SEC24C: variants seen among roughly 807,000 people sequenced by gnomAD.
SEC24C encodes the protein protein transport protein Sec24C.
A neutral mutation model predicts 117.0 loss-of-function variants in SEC24C; 22 were observed. The ratio of observed to expected loss-of-function variants is 0.19; its 90% CI spans 0.13 to 0.27. The LOEUF is 0.27. Among genes scored for constraint, SEC24C ranks in the 10% least tolerant of loss-of-function variants. The pLI is 1.00. For synonymous variants in SEC24C, 506 were observed against 529.4 expected, an observed-to-expected ratio of 0.96 and a Z score of 0.61; for missense variants, 1,155 against 1,375.1, an observed-to-expected ratio of 0.84 and a Z score of 2.53.
At chr10:73,751,278 A>G (rs749754856) in intron 3 of SEC24C, 35 bp downstream of exon 3, 2 of 1,594,852 alleles carry the variant, frequency 1.3e-6, no homozygotes, top group Non-Finnish European at 1.7e-6. Context: ...TGGTCTGATG[A>G]GGCTGAGTGC....
In SEC24C at chr10:73,765,762, C is replaced by T. The variant is rs146878586; in HGVS notation, c.1367-38C>T. 1,430 of 1,591,598 alleles carry T rather than the reference C, an allele frequency of 9.0e-4. 17 individuals are homozygous for T. The African/African-American group carries it at 0.017, about 19-fold the overall frequency. On this transcript the variant is annotated intron_variant, in intron 9 of 22. Transcript: ENST00000345254. Reference sequence around the variant, plus strand: ...TAGGGCCAGAATACTAAGATTGAAACTGGATCTTCGAGTAACACACTGCCA... The same window carrying T: ...TAGGGCCAGAATACTAAGATTGAAATTGGATCTTCGAGTAACACACTGCCA...
At chr10:73,759,914 TG>T in intron 4 of SEC24C, 103 bp from the exon 5 acceptor site, 1 of 1,489,856 alleles carries the variant, frequency 6.7e-7, no homozygotes, top group Non-Finnish European at 9.0e-7. Context: ...CCTCAGAAGA[TG>T]GGACAGTCAT....
intron 3 of SEC24C, among the ~76,000 whole-genome samples, chr10:73,758,278 C>T (rs117322576): frequency 0.014 from 2,204 of 152,096 alleles, 22 homozygotes; most frequent in Non-Finnish European, 0.022. Flanking sequence ...AGAGTATAGA[C>T]CTATTCTTTT....
chr10:73,753,906 G>A (rs193071430), intron 3 of SEC24C, among the ~76,000 whole-genome samples: 3 of 152,062 alleles, frequency 2.0e-5, no homozygotes, highest in African/African-American at 4.8e-5. Flanking sequence ...GCCCCAGGAC[G>A]GCTTTGAATG....
chr10:73,763,706 T>A, intron 7 of SEC24C, 105 bp downstream of exon 7: 2 of 681,258 alleles, frequency 2.9e-6, no homozygotes, highest in Non-Finnish European at 4.5e-6. Flanking sequence ...TTTTAGTTTT[T>A]AACCAGAGAC....
rs2082943135 is a variant in SEC24C at position 73,769,665 on chromosome 10, A to T, written c.2614A>T (p.Ile872Phe). The T allele has an allele frequency of 1.2e-6, 2 of 1,614,076 alleles. No homozygotes were observed. Among genetic ancestry groups the T allele is most frequent in the Non-Finnish European group, 1.7e-6 (2 of 1,180,042 alleles). The change falls in exon 19 of 23, where the codon ATC becomes TTC. Residue 872 changes from isoleucine to phenylalanine, a missense_variant. By Grantham distance (21) the Ile-to-Phe change is conservative (BLOSUM62 0). This residue lies in a region of SEC24C where 759 missense variants were observed against 992.3 expected (regional missense o/e 0.76). Transcript: ENST00000345254. This position sits in a 1 kb window ranked among gnomAD's most constrained non-coding sequence, Gnocchi z 4.5. ...SPVKAVRDTLITQCAQILACY... is the reference protein window; with the variant it reads ...SPVKAVRDTLFTQCAQILACY... ...TGTGAAGGCTGTTCGTGACACGCTC[A>T]TCACCCAGTGTGCCCAGATCCTGGC...
chr10:73,758,407 GT>G (rs1437303635), intron 3 of SEC24C, among the ~76,000 whole-genome samples: 1 of 152,166 alleles, frequency 6.6e-6, no homozygotes, highest in African/African-American at 2.4e-5. Context: ...TGTTTAAAGT[GT>G]TTTTGTATAT....
At chr10:73,744,657 G>C (rs1414878543) in intron 1 of SEC24C, among the ~76,000 whole-genome samples, 2 of 152,150 alleles carry the variant, frequency 1.3e-5, no homozygotes, top group African/African-American at 2.4e-5. Flanking sequence ...CCCCGAGCCT[G>C]TTAAAAGGTG....
Position 73,763,517 on chromosome 10 carries a change from A to T in SEC24C, c.1015A>T (p.Asn339Tyr), listed in dbSNP as rs753032093. The T allele has an allele frequency of 6.2e-6, 10 of 1,613,508 alleles. No individual in the cohort carries two copies. In the Admixed American group the frequency reaches 1.0e-4, roughly 16 times the overall value. Residue 339 changes from asparagine (N) to tyrosine (Y), a missense_variant, in exon 7 of 23, where the codon AAC becomes TAC. Around this residue, in one of 2 missense-constraint regions of SEC24C, gnomAD observed 759 missense variants for 992.3 expected, o/e 0.76. Transcript: ENST00000345254. Reference protein sequence around the residue: ...PIQVIEDDRNNRGTEPFVTGV... With the variant: ...PIQVIEDDRNYRGTEPFVTGV... ...TCAGGTCATTGAAGATGACAGGAAC[A>T]ACCGGGGTACAGAGCCATTTGTTAC...
chr10:73,756,599 G>A (rs1435983240), intron 3 of SEC24C, among the ~76,000 whole-genome samples: 1 of 151,842 alleles, frequency 6.6e-6, no homozygotes, highest in Non-Finnish European at 1.5e-5. Context: ...TTACATCTCA[G>A]TAATATTTTT....
chr10:73,753,748 T>A (rs2082673949), intron 3 of SEC24C, among the ~76,000 whole-genome samples: 1 of 152,220 alleles, frequency 6.6e-6, no homozygotes, highest in African/African-American at 2.4e-5. Context: ...ACTTGGTGTG[T>A]CTTAAGTCTA....
intron 15 of SEC24C, 36 bp downstream of exon 15, chr10:73,768,043 G>A (rs746702825): frequency 1.3e-6 from 2 of 1,591,630 alleles, no homozygotes; most frequent in East Asian, 2.2e-5. Flanking sequence ...GGTGGCAGCA[G>A]GGCTGGGAAT....
At position 73,770,724 on chromosome 10, in the gene SEC24C, C is replaced by T; in HGVS notation, c.3070C>T (p.Leu1024=). The change falls in exon 22 of 23, where the codon CTG becomes TTG. Residue 1024 remains leucine, a synonymous_variant. Coordinates refer to ENST00000345254, the MANE Select transcript of SEC24C (RefSeq NM_198597.3). ...ITSGLSVLPV[L]DNPLSKKVRG... is the part of the protein sequence containing the mutation. ...TGTGTTCTAGAGTGTTCTGCCAGTT[C>T]TGGATAATCCACTGTCCAAGAAGGT... The T allele has an allele frequency of 6.2e-7, 1 of 1,614,144 alleles. No individual in the cohort carries two copies. The highest frequency in any genetic ancestry group is 2.2e-5 in the East Asian group (1 of 44,886).
At chr10:73,765,005 A>G (rs1212378551) in intron 8 of SEC24C, among the ~76,000 whole-genome samples, 1 of 152,210 alleles carries the variant, frequency 6.6e-6, no homozygotes, top group Non-Finnish European at 1.5e-5. Context: ...GGGCATCAGT[A>G]ACTGGCACAG....
At chr10:73,755,506 T>A (rs1390069529) in intron 3 of SEC24C, among the ~76,000 whole-genome samples, 2 of 151,568 alleles carry the variant, frequency 1.3e-5, no homozygotes, top group Non-Finnish European at 2.9e-5. Context: ...TGAAACCCCG[T>A]CTCTACTAAA....
chr10:73,759,830 C>T (rs1476874108), intron 4 of SEC24C, 36 bp downstream of exon 4: 4 of 1,526,808 alleles, frequency 2.6e-6, no homozygotes, highest in Non-Finnish European at 3.5e-6. Flanking sequence ...TTACTGTCCC[C>T]TGTTCAGAGG....
chr10:73,767,206 T>C, intron 14 of SEC24C, 36 bp downstream of exon 14: 14 of 1,394,560 alleles, frequency 1.0e-5, no homozygotes, highest in Non-Finnish European at 1.4e-5. Context: ...GGAAGGATTT[T>C]TCATTACAGA....
At chr10:73,749,532 T>C (rs1231284784) in intron 2 of SEC24C, among the ~76,000 whole-genome samples, 3 of 151,452 alleles carry the variant, frequency 2.0e-5, no homozygotes, top group Non-Finnish European at 2.9e-5. Flanking sequence ...CCTTACCTTT[T>C]CTTTTTCTTT....
chr10:73,748,662 C>T (rs995209578), intron 2 of SEC24C, among the ~76,000 whole-genome samples: 9 of 152,036 alleles, frequency 5.9e-5, no homozygotes, highest in Non-Finnish European at 1.2e-4. Flanking sequence ...GTCTCAAACT[C>T]CTGGCCTCAG....
Sources: allele counts gnomAD v4.1 joint callset (sites outside exome capture counted in the v4.1 genomes callset), GRCh38; gene constraint gnomAD v4.1.1; regional missense constraint gnomAD v4.1.1; non-coding constraint Gnocchi (gnomAD v3.1); transcripts MANE v1.5; gene names NCBI Gene and HGNC (gene_info 2026-07-23, HGNC 2026-07-21).